Variants in FYCO1 observed in about 807,000 individuals in gnomAD.
The protein encoded by FYCO1 is FYVE and coiled-coil domain-containing protein 1.
Under a neutral mutation model 165.1 loss-of-function variants are expected in FYCO1, and 122 were observed. The ratio of observed to expected loss-of-function variants is 0.74; its 90% confidence interval spans 0.64 to 0.86. The LOEUF is 0.86. Ranked by LOEUF, FYCO1 falls within the 40% of genes least tolerant of loss-of-function variation. The probability of loss-of-function intolerance (pLI) is 0.00; values close to 1 mark genes in which losing one functional copy is unlikely to be tolerated. For missense variants in FYCO1, 1,702 were observed against 1,810.3 expected, an observed-to-expected ratio of 0.94 and a Z score of 1.09; for synonymous variants, 648 against 742.5, an observed-to-expected ratio of 0.87 and a Z score of 2.07.
chr3:45,975,647 C>G (rs1402595570), intron 4 of FYCO1, among the ~76,000 whole-genome samples: 1 of 152,242 alleles, frequency 6.6e-6, no homozygotes, highest in African/African-American at 2.4e-5. Context: ...ATTGGAATGT[C>G]ACTTTCCCTC....
chr3:45,926,182 G>T lies in FYCO1; in HGVS notation c.4252-2417C>A, dbSNP rs1000078666. Among the ~76,000 whole-genome samples, 10 of 152,234 alleles carry T rather than the reference G, an allele frequency of 6.6e-5. 1 individual carries two copies. In the East Asian group the frequency reaches 7.7e-4, roughly 12 times the overall value. ...AACCTTAACAGCAATCACAGTAAGTGAAAATAGCCTAAACATTCCAATGAA... is the reference window on the plus strand; with the variant it reads ...AACCTTAACAGCAATCACAGTAAGTTAAAATAGCCTAAACATTCCAATGAA... On this transcript the variant is annotated intron_variant, in intron 16 of 17. Transcript: ENST00000296137.
intron 1 of FYCO1, among the ~76,000 whole-genome samples, chr3:45,995,307 C>T (rs1707753900): frequency 2.0e-5 from 3 of 152,256 alleles, no homozygotes; most frequent in Admixed American, 2.0e-4. Flanking sequence ...TGGGCTGTCC[C>T]GGCCCAACTG....
chr3:45,945,364 G>A (rs943840776), intron 14 of FYCO1: 2 of 152,272 alleles, frequency 1.3e-5, no homozygotes, highest in Non-Finnish European at 2.9e-5. Flanking sequence ...AGCAAGGGCA[G>A]ACTTGGCACT....
chr3:45,944,692 A>G (rs760229852), intron 14 of FYCO1, among the ~76,000 whole-genome samples: 5 of 152,206 alleles, frequency 3.3e-5, no homozygotes, highest in Non-Finnish European at 7.3e-5. Flanking sequence ...AAGTTTACCA[A>G]TTATTACACA....
At chr3:45,931,714 C>A (rs986655878) in intron 15 of FYCO1, among the ~76,000 whole-genome samples, 2 of 152,224 alleles carry the variant, frequency 1.3e-5, no homozygotes, top group Non-Finnish European at 2.9e-5. Flanking sequence ...CAGTTCCCTG[C>A]CTCGCCCTTT....
At chr3:45,945,062 G>A (rs1704498112) in intron 14 of FYCO1, 1 of 152,162 alleles carries the variant, frequency 6.6e-6, no homozygotes, top group Non-Finnish European at 1.5e-5. Flanking sequence ...ATCCTTCCTT[G>A]CTAGAGAGAA....
chr3:45,967,349 G>A lies in FYCO1; in HGVS notation c.1985C>T (p.Ser662Phe), dbSNP rs150785981. 1,924 of 1,608,936 alleles carry A rather than the reference G, an allele frequency of 1.2e-3. 4 individuals carry two copies. The highest frequency in any genetic ancestry group is 8.8e-3 in the Middle Eastern group (53 of 6,036). ...GATGCTGGCCTGCTCGGCCTCCAGG[G>A]AGGCCAAGGAGCCCTGGATGGCTGA... ...RESAIQGSLASLEAEQASIRH... is the reference protein window; with the variant it reads ...RESAIQGSLAFLEAEQASIRH... Residue 662 changes from serine (S) to phenylalanine (F), a missense_variant, in exon 8 of 18, where the codon TCC (serine) becomes TTC (phenylalanine). Physicochemically the swap from Ser to Phe is radical, Grantham distance 155. Coordinates refer to ENST00000296137, the MANE Select transcript of FYCO1 (RefSeq NM_024513.4).
At chr3:45,942,831 G>A (rs2234351) in intron 14 of FYCO1, among the ~76,000 whole-genome samples, 28,943 of 152,244 alleles carry the variant, frequency 0.19, 2,887 homozygotes, top group East Asian at 0.29. Flanking sequence ...GGCACTGCCT[G>A]CTGAGTGCCT....
rs377256529 is a variant in FYCO1 at position 45,931,218 on chromosome 3, A to C, written c.4104T>G (p.Phe1368Leu). 102 of 1,613,952 alleles carry C rather than the reference A, an allele frequency of 6.3e-5. 1 individual carries two copies. Among genetic ancestry groups the C allele is most frequent in the Non-Finnish European group, 7.9e-5 (93 of 1,179,972 alleles). Residue 1368 changes from phenylalanine to leucine, a missense_variant, in exon 16 of 18, where the codon TTT becomes TTG. Transcript: ENST00000296137. ...TCAGGCTGTAGGTGCTGGACCTCAC[A>C]AACAGCTCCCTGCTACCCTCCCCGA... ...ASFGEGSREL[F>L]VRSSTYSLIP... is the part of the protein sequence containing the mutation.
chr3:45,959,876 G>T (rs1157493250), intron 11 of FYCO1, among the ~76,000 whole-genome samples: 1 of 152,222 alleles, frequency 6.6e-6, no homozygotes, highest in African/African-American at 2.4e-5. Context: ...AAGCTAAAAC[G>T]TGCTGCCATG....
rs11338292 is a variant in FYCO1 at position 45,984,717 on chromosome 3, CA to C, written c.55+138del. The stretch of plus-strand genomic sequence containing the variant: ...GTGGATATTTGAGACCCAAATATTT[CA>C]ATATGATGTGACCTGAGGACTCCAA... On this transcript the variant is annotated intron_variant, in intron 2 of 17. Coordinates refer to ENST00000296137, the MANE Select transcript of FYCO1 (RefSeq NM_024513.4). 562,956 of 866,742 alleles carry C rather than the reference CA, an allele frequency of 0.65. 190,216 individuals carry two copies. Among genetic ancestry groups the C allele is most frequent in the East Asian group, 1 (39,820 of 39,970 alleles). The allele number at this position is 866,742 out of a possible 1,614,324, so 53.7% of individuals were successfully genotyped here. A position where few individuals can be genotyped will look rare whatever the true frequency, so the allele number is the denominator to read the frequency against.
chr3:45,986,760 T>C (rs1559469268), intron 1 of FYCO1, among the ~76,000 whole-genome samples: 1 of 152,122 alleles, frequency 6.6e-6, no homozygotes, highest in Non-Finnish European at 1.5e-5. Context: ...TGCCCATCCC[T>C]GGGTGTCTCT....
At chr3:45,953,647 A>G (rs1292242987) in intron 14 of FYCO1, among the ~76,000 whole-genome samples, 2 of 152,182 alleles carry the variant, frequency 1.3e-5, no homozygotes, top group African/African-American at 4.8e-5. Context: ...GTCCCTCTGA[A>G]GCCTGCTCTG....
At position 45,918,458 on chromosome 3, in the gene FYCO1, T is replaced by C. The variant is rs567011246; in HGVS notation, c.*3307A>G. ...AATGGCCGTCTCGATGGTCTTTGTG[T>C]ACATGACCATCCTTGGTTCTAAGCA... On this transcript the variant is annotated 3_prime_UTR_variant, in exon 18 of 18. Transcript: ENST00000296137. 2.0e-5 allele frequency: 3 copies of C among 152,326 alleles called. No individual in the cohort carries two copies. Among genetic ancestry groups the C allele is most frequent in the Admixed American group, 2.0e-4 (3 of 15,306 alleles). 9.4% of individuals were successfully genotyped at this position (152,326 alleles called of 1,614,324 possible). A position where few individuals can be genotyped will look rare whatever the true frequency, so the allele number is the denominator to read the frequency against.
intron 5 of FYCO1, among the ~76,000 whole-genome samples, chr3:45,974,959 A>C (rs1417263527): frequency 6.6e-6 from 1 of 152,198 alleles, no homozygotes; most frequent in East Asian, 1.9e-4. Flanking sequence ...CACCAGGGAA[A>C]ATGCCTGGTA....
At position 45,933,172 on chromosome 3, in the gene FYCO1, T is replaced by C. The variant is rs533737784; in HGVS notation, c.4041-1891A>G. On this transcript the variant is annotated intron_variant, in intron 15 of 17. Transcript: ENST00000296137. ...ATATAATATAATCTTAAGATGCCTATTGTCTATAAGGCTCATGTCACAGAT... is the reference window on the plus strand; with the variant it reads ...ATATAATATAATCTTAAGATGCCTACTGTCTATAAGGCTCATGTCACAGAT... Among the ~76,000 whole-genome samples the C allele has an allele frequency of 3.5e-4, 54 of 152,300 alleles. 1 individual carries two copies. In the South Asian group the frequency reaches 9.9e-3, roughly 28 times the overall value.
chr3:45,983,491 G>T (rs1298467050), intron 2 of FYCO1, among the ~76,000 whole-genome samples: 1 of 152,252 alleles, frequency 6.6e-6, no homozygotes, highest in Non-Finnish European at 1.5e-5. Flanking sequence ...AGCCCAGGAT[G>T]TTGGGGGTGG....
At chr3:45,951,428 A>G (rs1012041434) in intron 14 of FYCO1, among the ~76,000 whole-genome samples, 2 of 152,196 alleles carry the variant, frequency 1.3e-5, no homozygotes, top group African/African-American at 4.8e-5. Flanking sequence ...CTTCACCACC[A>G]TACTGTCTGC....
intron 1 of FYCO1, 104 bp from the exon 2 acceptor site, chr3:45,985,126 G>A (rs965144847): frequency 8.9e-5 from 58 of 650,562 alleles, no homozygotes; most frequent in Non-Finnish European, 1.1e-4. Context: ...CTATCTGGGT[G>A]TATTCCCTCA....
Sources: allele counts gnomAD v4.1 joint callset (sites outside exome capture counted in the v4.1 genomes callset), GRCh38; gene constraint gnomAD v4.1.1; transcripts MANE v1.5; gene names NCBI Gene and HGNC (gene_info 2026-07-23, HGNC 2026-07-21).